The following EIF4E1B variants were observed in gnomAD, a reference collection of about 807,000 sequenced individuals.
EIF4E1B encodes the protein eukaryotic translation initiation factor 4E family member 1B.
In EIF4E1B, 22 loss-of-function variants were observed where a neutral mutation model predicts 31.3. The observed-to-expected ratio is 0.70, with a 90% CI of 0.50 to 1.00. EIF4E1B has a LOEUF of 1.00. EIF4E1B is among the 50% of genes least tolerant of loss of function. The pLI is 0.00. For synonymous variants in EIF4E1B, 126 were observed against 120.2 expected, an observed-to-expected ratio of 1.05 and a Z score of -0.31; for missense variants, 290 against 311.6, an observed-to-expected ratio of 0.93 and a Z score of 0.52.
Position 176,645,181 on chromosome 5 carries a change from T to C in EIF4E1B, c.412T>C (p.Trp138Arg). Reference protein sequence around the residue: ...EDSRNKRGGRWLVSLAKQQRH... With the variant: ...EDSRNKRGGRRLVSLAKQQRH... ...CAGCAGGAATAAACGGGGTGGCCGCTGGCTGGTCAGCCTGGCCAAGCAGCA... is the reference window on the plus strand; with the variant it reads ...CAGCAGGAATAAACGGGGTGGCCGCCGGCTGGTCAGCCTGGCCAAGCAGCA... The change falls in exon 7 of 9, where the codon TGG becomes CGG. Residue 138 changes from tryptophan (W) to arginine (R), a missense_variant. Transcript: ENST00000318682. The surrounding 1 kb of genome is among the most constrained non-coding windows in gnomAD (Gnocchi z 5.4). The C allele has an allele frequency of 6.3e-7, 1 of 1,582,206 alleles. No individual in the cohort carries two copies. Among genetic ancestry groups the C allele is most frequent in the Non-Finnish European group, 8.6e-7 (1 of 1,164,432 alleles).
chr5:176,635,503 T>A (rs894122341), intron 1 of EIF4E1B, among the ~76,000 whole-genome samples: 1 of 152,130 alleles, frequency 6.6e-6, no homozygotes, highest in Admixed American at 6.6e-5. Flanking sequence ...AGTGTCGAGG[T>A]AACAGAAAAT....
chr5:176,639,124 G>A (rs1367599567), intron 1 of EIF4E1B, among the ~76,000 whole-genome samples: 2 of 152,148 alleles, frequency 1.3e-5, no homozygotes, highest in East Asian at 1.9e-4. Flanking sequence ...AAGAAGTTAC[G>A]TGACCAGATT....
At position 176,645,799 on chromosome 5, in the gene EIF4E1B, A is replaced by G. The variant is rs2113450598; in HGVS notation, c.615-67A>G. Reference sequence around the variant, plus strand: ...AATGAGGGTAGGAGTCTGGTGGCCTAAGTTATCTCTAGGACCCTCTGATGA... The same window carrying G: ...AATGAGGGTAGGAGTCTGGTGGCCTGAGTTATCTCTAGGACCCTCTGATGA... On this transcript the variant is annotated intron_variant, in intron 8 of 8. Transcript: ENST00000318682. This position sits in a 1 kb window ranked among gnomAD's most constrained non-coding sequence, Gnocchi z 5.4. 15 of 1,386,182 alleles carry G rather than the reference A, an allele frequency of 1.1e-5. No homozygotes were observed. Among genetic ancestry groups the G allele is most frequent in the Non-Finnish European group, 1.5e-5 (15 of 1,025,640 alleles). The allele number at this position is 1,386,182 out of a possible 1,614,324, so 85.9% of individuals were successfully genotyped here. A position where few individuals can be genotyped will look rare whatever the true frequency, so the allele number is the denominator to read the frequency against.
chr5:176,642,870 C>CCCCCCCCCGGGGGGGGGGGGG, intron 3 of EIF4E1B, 68 bp downstream of exon 3: 1 of 1,426,040 alleles, frequency 7.0e-7, no homozygotes, highest in Non-Finnish European at 9.5e-7. Context: ...CCCCCCGCCC[C>CCCCCCCCCGGGGGGGGGGGGG]AGGTGGGCGG....
chr5:176,643,252 C>T lies in EIF4E1B; in HGVS notation c.186C>T (p.His62=). ...CCATGGAAGTCAAGCTGGAGCTGCA[C>T]CCCTTGCAGAACAGGTAGGCAGGAG... ...GGPMEVKLEL[H]PLQNRWALWF... is the part of the protein sequence containing the mutation. Residue 62 remains histidine, a synonymous_variant, in exon 4 of 9, where the codon CAC becomes CAT. Coordinates refer to ENST00000318682, the MANE Select transcript of EIF4E1B (RefSeq NM_001099408.2). The T allele has an allele frequency of 1.2e-6, 2 of 1,612,240 alleles. No homozygotes were observed. The highest frequency in any genetic ancestry group is 1.7e-6 in the Non-Finnish European group (2 of 1,179,828).
rs1352711766 is a variant in EIF4E1B at position 176,643,460 on chromosome 5, C to CA, written c.201-178dup. Among the ~76,000 whole-genome samples the CA allele has an allele frequency of 2.0e-5, 3 of 152,342 alleles. No individual in the cohort carries two copies. The East Asian group carries it at 5.8e-4, about 29-fold the overall frequency. On this transcript the variant is annotated intron_variant, in intron 4 of 8. Coordinates refer to ENST00000318682, the MANE Select transcript of EIF4E1B (RefSeq NM_001099408.2). Reference sequence around the variant, plus strand: ...GCAGAGACTGTGGGTCAAACACCCCCACTCCTCCCCTGCCCTTCAGGACAA... The same window carrying CA: ...GCAGAGACTGTGGGTCAAACACCCCCAACTCCTCCCCTGCCCTTCAGGACAA...
intron 4 of EIF4E1B, 64 bp from the exon 5 acceptor site, chr5:176,643,575 A>T: frequency 1.3e-6 from 2 of 1,489,986 alleles, no homozygotes; most frequent in Non-Finnish European, 9.2e-7. Context: ...CTGTCAGTCC[A>T]GGTGCCCCGG....
intron 5 of EIF4E1B, 134 bp downstream of exon 5, chr5:176,643,868 G>C: frequency 1.1e-6 from 1 of 908,516 alleles, no homozygotes; most frequent in South Asian, 1.7e-5. Context: ...TCTGCCCAGG[G>C]GGTATAGGGC....
At chr5:176,636,098 T>A (rs1760488727) in intron 1 of EIF4E1B, among the ~76,000 whole-genome samples, 1 of 152,244 alleles carries the variant, frequency 6.6e-6, no homozygotes, top group Non-Finnish European at 1.5e-5. Context: ...ATTACAGGCA[T>A]GAGCCACCGT....
Position 176,645,906 on chromosome 5 carries a change from A to G in EIF4E1B, c.655A>G (p.Ile219Val). 6.2e-7 allele frequency: 1 copy of G among 1,608,882 alleles called. No individual in the cohort carries two copies. The highest frequency in any genetic ancestry group is 8.5e-7 in the Non-Finnish European group (1 of 1,177,644). Residue 219 changes from isoleucine to valine, a missense_variant, in exon 9 of 9, where the codon ATC becomes GTC. Coordinates refer to ENST00000318682, the MANE Select transcript of EIF4E1B (RefSeq NM_001099408.2). The surrounding 1 kb of genome is among the most constrained non-coding windows in gnomAD (Gnocchi z 5.4). ...KERLGLSPKT[I>V]IGYQAHADTA... is the part of the protein sequence containing the mutation. ...GCGCCTGGGCCTCTCCCCAAAGACCATCATTGGGTACCAGGCCCATGCAGA... is the reference window on the plus strand; with the variant it reads ...GCGCCTGGGCCTCTCCCCAAAGACCGTCATTGGGTACCAGGCCCATGCAGA...
At position 176,643,773 on chromosome 5, in the gene EIF4E1B, T is replaced by G. The variant is rs368052053; in HGVS notation, c.296+39T>G. Reference sequence around the variant, plus strand: ...CCCAGTGGGGCTAGAGTTGGGGGGCTCTGAGCTCTGGGCTCCCTCTCTCCG... The same window carrying G: ...CCCAGTGGGGCTAGAGTTGGGGGGCGCTGAGCTCTGGGCTCCCTCTCTCCG... On this transcript the variant is annotated intron_variant, in intron 5 of 8. Coordinates refer to ENST00000318682, the MANE Select transcript of EIF4E1B (RefSeq NM_001099408.2). 817 of 1,579,742 alleles carry G rather than the reference T, an allele frequency of 5.2e-4. 1 individual carries two copies. Among genetic ancestry groups the G allele is most frequent in the Non-Finnish European group, 6.7e-4 (782 of 1,158,800 alleles).
chr5:176,641,717 C>A (rs1403528653), intron 1 of EIF4E1B: 1 of 152,462 alleles, frequency 6.6e-6, no homozygotes, highest in Non-Finnish European at 1.5e-5. Context: ...TGGTCACGAG[C>A]CCCCCAAGTG....
intron 2 of EIF4E1B, 68 bp downstream of exon 2, chr5:176,642,233 G>A (rs1760591156): frequency 6.5e-6 from 1 of 152,896 alleles, no homozygotes; most frequent in Non-Finnish European, 1.5e-5. Context: ...GGGGGCCTGT[G>A]AGGCAGTGAG....
chr5:176,638,401 C>T lies in EIF4E1B; in HGVS notation c.-201-3642C>T, dbSNP rs1401877241. Among the ~76,000 whole-genome samples, 1 of 152,136 alleles carries T rather than the reference C, an allele frequency of 6.6e-6. No homozygotes were observed. Among genetic ancestry groups the T allele is most frequent in the Non-Finnish European group, 1.5e-5 (1 of 68,028 alleles). ...TGCTCCCCAGAGCCTAAAATGGTGT[C>T]CGGCACAAAGTAATTGGTAGGTCAT... On this transcript the variant is annotated intron_variant, in intron 1 of 8. Transcript: ENST00000318682. The surrounding 1 kb of genome is among the most constrained non-coding windows in gnomAD (Gnocchi z 4.3).
At chr5:176,631,924 G>A (rs1760401197) in intron 1 of EIF4E1B, among the ~76,000 whole-genome samples, 1 of 152,120 alleles carries the variant, frequency 6.6e-6, no homozygotes, top group Non-Finnish European at 1.5e-5. Context: ...ATGATCATCT[G>A]TACAGGACTG....
rs750551455 is a variant in EIF4E1B, at chr5:176,643,734, C to T, written c.296C>T (p.Ala99Val). The part of the protein sequence containing the change: ...TKVDTVEDFW[A>V]LYSHIQLASK... ...GTGGACACTGTGGAGGACTTCTGGG[C>T]GTGAGTGTCTGTCCCCAGTGGGGCT... The change falls in exon 5 of 9, where the codon GCG becomes GTG. Residue 99 changes from alanine (A) to valine (V), a missense_variant and splice_region_variant. Ala to Val is a moderately conservative substitution (Grantham distance 64). Coordinates refer to ENST00000318682, the MANE Select transcript of EIF4E1B (RefSeq NM_001099408.2). The T allele has an allele frequency of 2.5e-5, 41 of 1,611,786 alleles. No homozygotes were observed. Among genetic ancestry groups the T allele is most frequent in the Non-Finnish European group, 3.4e-5 (40 of 1,178,978 alleles).
At chr5:176,637,154 G>C (rs979474597) in intron 1 of EIF4E1B, among the ~76,000 whole-genome samples, 3 of 152,172 alleles carry the variant, frequency 2.0e-5, no homozygotes, top group African/African-American at 7.2e-5. Flanking sequence ...GAGAGGCCTT[G>C]GGGGCTGGGC....
intron 1 of EIF4E1B, among the ~76,000 whole-genome samples, chr5:176,633,386 AC>A (rs1235695404): frequency 6.6e-6 from 1 of 152,180 alleles, no homozygotes; most frequent in African/African-American, 2.4e-5. Context: ...GGTGCGTGCC[AC>A]CATGCCAGGC....
At chr5:176,632,005 G>A (rs1760403458) in intron 1 of EIF4E1B, among the ~76,000 whole-genome samples, 1 of 152,214 alleles carries the variant, frequency 6.6e-6, no homozygotes, top group Non-Finnish European at 1.5e-5. Flanking sequence ...CTAGACCCAT[G>A]TGTGCTGACA....
Sources: allele counts gnomAD v4.1 joint callset (sites outside exome capture counted in the v4.1 genomes callset), GRCh38; gene constraint gnomAD v4.1.1; non-coding constraint Gnocchi (gnomAD v3.1); transcripts MANE v1.5; gene names NCBI Gene and HGNC (gene_info 2026-07-23, HGNC 2026-07-21).